Variants in COPS8 observed in about 807,000 individuals in gnomAD.
COPS8 encodes the protein COP9 signalosome subunit 8.
In COPS8, 11 loss-of-function variants were observed where a neutral mutation model predicts 31.5. That is an observed-to-expected ratio of 0.35 (90% CI 0.22 to 0.58). The LOEUF (loss-of-function observed/expected upper bound fraction) is 0.58. COPS8 is among the 20% of genes least tolerant of loss of function. COPS8 has a pLI of 0.83. For synonymous variants in COPS8, 81 were observed against 89.3 expected (o/e 0.91, Z 0.52); for missense variants, 215 against 255.1 (o/e 0.84, Z 1.07).
chr2:237,093,420 A>G (rs1054559347), intron 4 of COPS8, among the ~76,000 whole-genome samples: 3 of 152,214 alleles, frequency 2.0e-5, no homozygotes, highest in African/African-American at 7.2e-5. Flanking sequence ...GAGAAAGGCC[A>G]GCTGGTTTCA....
chr2:237,093,190 T>G (rs998824596), intron 4 of COPS8, among the ~76,000 whole-genome samples: 1 of 152,208 alleles, frequency 6.6e-6, no homozygotes, highest in Non-Finnish European at 1.5e-5. Context: ...AAGACTTGTC[T>G]GAGAGCCAGT....
Position 237,085,920 on chromosome 2 carries a change from G to C in COPS8, c.-45G>C. On this transcript the variant is annotated 5_prime_UTR_variant, in exon 1 of 8. Transcript: ENST00000354371. The stretch of plus-strand genomic sequence containing the variant: ...GGCGCGACGCCTGAGGGACAGTCTG[G>C]GGTTTGGCTGTCCGGACGGTGCAGC... 2 of 1,580,546 alleles carry C rather than the reference G, an allele frequency of 1.3e-6. No homozygotes were observed. The highest frequency in any genetic ancestry group is 1.7e-6 in the Non-Finnish European group (2 of 1,156,274).
At chr2:237,095,580 C>T (rs1319820417) in intron 5 of COPS8, among the ~76,000 whole-genome samples, 36 of 152,124 alleles carry the variant, frequency 2.4e-4, no homozygotes, top group Admixed American at 2.4e-3. Flanking sequence ...TGACAGAAAA[C>T]TAACCATCTT....
rs529185598 is a variant in COPS8 at position 237,096,922 on chromosome 2, T to C, written c.550+53T>C. On this transcript the variant is annotated intron_variant, in intron 7 of 7. Transcript: ENST00000354371. The stretch of plus-strand genomic sequence containing the variant: ...AATGTCTCATTGTTCCTAATTTCTT[T>C]TTTGTAGTATATATGTATATGTGTG... 7.1e-6 allele frequency: 9 copies of C among 1,263,566 alleles called. No individual in the cohort carries two copies. The Admixed American group carries it at 1.5e-4, about 21-fold the overall frequency. 78.3% of individuals were successfully genotyped at this position (1,263,566 alleles called of 1,614,324 possible).
intron 5 of COPS8, 114 bp downstream of exon 5, chr2:237,094,311 T>C (rs1696756685): frequency 2.0e-6 from 2 of 1,005,926 alleles, no homozygotes; most frequent in Non-Finnish European, 2.9e-6. Context: ...GAGTCCAGGC[T>C]GTGTTTTTTG....
chr2:237,090,076 G>T, intron 4 of COPS8, 82 bp downstream of exon 4: 1 of 1,420,286 alleles, frequency 7.0e-7, no homozygotes, highest in Non-Finnish European at 9.7e-7. Context: ...TAAATCAGTG[G>T]TGTGTGTTTA....
At position 237,097,217 on chromosome 2, in the gene COPS8, G is replaced by A. The variant is rs541107552; in HGVS notation, c.550+348G>A. On this transcript the variant is annotated intron_variant, in intron 7 of 7. Transcript: ENST00000354371. ...ATGTAAATTCCTTGAGGTTCTTTGT[G>A]GGTTTTCTTTTTTTTTTTTTTTTTT... Among the ~76,000 whole-genome samples the A allele has an allele frequency of 7.8e-5, 11 of 140,618 alleles. No individual in the cohort carries two copies. In the East Asian group the frequency reaches 1.4e-3, roughly 18 times the overall value. 92.3% of individuals were successfully genotyped at this position (140,618 alleles called of 152,430 possible). A position where few individuals can be genotyped will look rare whatever the true frequency, so the allele number is the denominator to read the frequency against.
intron 6 of COPS8, 62 bp from the exon 7 acceptor site, chr2:237,096,760 C>A (rs1267525106): frequency 7.7e-7 from 1 of 1,295,324 alleles, no homozygotes; most frequent in Non-Finnish European, 1.1e-6. Context: ...ATAGCATGTT[C>A]TATGAAAGAT....
chr2:237,089,614 A>G (rs987499952), intron 3 of COPS8, among the ~76,000 whole-genome samples: 3 of 152,166 alleles, frequency 2.0e-5, no homozygotes, highest in African/African-American at 7.2e-5. Context: ...CTCATGCCTT[A>G]ATTTGCTATT....
intron 7 of COPS8, 91 bp downstream of exon 7, chr2:237,096,960 T>C (rs1696814205): frequency 1.2e-6 from 1 of 860,008 alleles, no homozygotes; most frequent in Non-Finnish European, 1.9e-6. Flanking sequence ...TGAGTGTGTG[T>C]ATCTATTTCT....
rs1696872623 is a variant in COPS8, at chr2:237,100,350, A to T, written c.*2608A>T. ...TGTTTCAGATCCATTGGATATCTCTAAAATTTGCTCTGGGACTTACCCTGG... is the reference window on the plus strand; with the variant it reads ...TGTTTCAGATCCATTGGATATCTCTTAAATTTGCTCTGGGACTTACCCTGG... On this transcript the variant is annotated 3_prime_UTR_variant, in exon 8 of 8. Transcript: ENST00000354371. 6.6e-6 allele frequency: 1 copy of T among 152,140 alleles called. No individual in the cohort carries two copies. The highest frequency in any genetic ancestry group is 2.4e-5 in the African/African-American group (1 of 41,424). 9.4% of individuals were successfully genotyped at this position (152,140 alleles called of 1,614,324 possible). A position where few individuals can be genotyped will look rare whatever the true frequency, so the allele number is the denominator to read the frequency against.
At chr2:237,096,301 G>A (rs932540719) in intron 6 of COPS8, among the ~76,000 whole-genome samples, 11 of 152,138 alleles carry the variant, frequency 7.2e-5, no homozygotes, top group African/African-American at 2.7e-4. Flanking sequence ...CTTTCACAGA[G>A]TTAACTTCTC....
intron 4 of COPS8, among the ~76,000 whole-genome samples, chr2:237,092,610 T>C (rs952819842): frequency 1.3e-5 from 2 of 152,182 alleles, no homozygotes; most frequent in Non-Finnish European, 2.9e-5. Context: ...TTCTTTTCCA[T>C]TGAATGTATG....
chr2:237,088,193 G>C (rs1696652740), intron 2 of COPS8, among the ~76,000 whole-genome samples: 1 of 152,198 alleles, frequency 6.6e-6, no homozygotes, highest in South Asian at 2.1e-4. Flanking sequence ...CCCACTGGTA[G>C]GAGGGGCTGT....
At chr2:237,089,163 G>A (rs964059662) in intron 3 of COPS8, among the ~76,000 whole-genome samples, 1 of 150,704 alleles carries the variant, frequency 6.6e-6, no homozygotes, top group African/African-American at 2.5e-5. Flanking sequence ...AAATTTTAAT[G>A]TCAAATGATT....
rs1553583364 is a variant in COPS8 at position 237,087,585 on chromosome 2, T to G, written c.149+388T>G. The G allele has an allele frequency of 8.5e-5, 21 of 245,738 alleles. No homozygotes were observed. In the South Asian group the frequency reaches 9.0e-4, roughly 11 times the overall value. 15.2% of individuals were successfully genotyped at this position (245,738 alleles called of 1,614,324 possible). ...ACATGTATGAGATTTTTTAAGTTTT[T>G]TTTGTTTTTAATTATTCCTATTTCA... is the stretch of plus-strand genomic sequence containing the variant. On this transcript the variant is annotated intron_variant, in intron 2 of 7. Coordinates refer to ENST00000354371, the MANE Select transcript of COPS8 (RefSeq NM_006710.5).
rs1226710072 is a variant in COPS8, at chr2:237,098,865, TCA to T, written c.*1124_*1125del. The T allele has an allele frequency of 6.6e-6, 1 of 152,202 alleles. No individual in the cohort carries two copies. The highest frequency in any genetic ancestry group is 1.5e-5 in the Non-Finnish European group (1 of 68,032). 9.4% of individuals were successfully genotyped at this position (152,202 alleles called of 1,614,324 possible). A position where few individuals can be genotyped will look rare whatever the true frequency, so the allele number is the denominator to read the frequency against. ...TTTTGAATGCATTTTAGTGGCTATTTCAGTTTTTCTTAACATATATGGGAATA... is the reference window on the plus strand; with the variant it reads ...TTTTGAATGCATTTTAGTGGCTATTTGTTTTTCTTAACATATATGGGAATA... On this transcript the variant is annotated 3_prime_UTR_variant, in exon 8 of 8. Coordinates refer to ENST00000354371, the MANE Select transcript of COPS8 (RefSeq NM_006710.5).
intron 2 of COPS8, among the ~76,000 whole-genome samples, chr2:237,087,992 A>G (rs569179488): frequency 1.3e-5 from 2 of 150,912 alleles, no homozygotes; most frequent in South Asian, 4.2e-4. Context: ...TCTGTGACTC[A>G]CTGATGATTC....
intron 7 of COPS8, among the ~76,000 whole-genome samples, 195 bp downstream of exon 7, chr2:237,097,064 G>A (rs759685814): frequency 7.2e-5 from 11 of 152,140 alleles, no homozygotes; most frequent in Non-Finnish European, 1.3e-4. Context: ...GCCTTGAGGC[G>A]GTGCCCTCCT....
Sources: gnomAD v4.1 joint callset for allele counts (sites outside exome capture counted in the v4.1 genomes callset) on GRCh38, gnomAD v4.1.1 for gene constraint, MANE v1.5 for transcripts, NCBI Gene and HGNC (gene_info 2026-07-23, HGNC 2026-07-21) for gene names.